The following CUX1 variants were observed in gnomAD, a reference collection of about 807,000 sequenced individuals.
CUX1 encodes cut like homeobox 1, also known as protein CASP.
A neutral mutation model predicts 158.8 loss-of-function variants in CUX1; 31 were observed. The observed-to-expected ratio is 0.20, with a 90% confidence interval of 0.15 to 0.26. The LOEUF (loss-of-function observed/expected upper bound fraction) is 0.26, where lower values mean the gene tolerates loss of function less well. CUX1 is among the 10% of genes least tolerant of loss of function. The probability of loss-of-function intolerance (pLI) is 1.00; values close to 1 mark genes in which losing one functional copy is unlikely to be tolerated. For missense variants in CUX1, 1,589 were observed against 2,014.6 expected (o/e 0.79, Z 4.04); for synonymous variants, 879 against 862.1 (o/e 1.02, Z -0.34).
chr7:101,864,353 C>T (rs1219000518), intron 1 of CUX1, among the ~76,000 whole-genome samples: 1 of 151,642 alleles, frequency 6.6e-6, no homozygotes, highest in Non-Finnish European at 1.5e-5. Flanking sequence ...GTAGAGATGG[C>T]GTCTTGCTGT....
chr7:102,135,106 G>C (rs1231559941), intron 8 of CUX1, among the ~76,000 whole-genome samples: 1 of 152,072 alleles, frequency 6.6e-6, no homozygotes, highest in Non-Finnish European at 1.5e-5. Context: ...GAACAACACA[G>C]GGGTTAGAGG....
intron 1 of CUX1, among the ~76,000 whole-genome samples, chr7:101,902,228 CCTG>C (rs1348093274): frequency 6.6e-6 from 1 of 152,214 alleles, no homozygotes; most frequent in African/African-American, 2.4e-5. Flanking sequence ...CCCTACCTCT[CCTG>C]CTATGATTTC....
chr7:102,093,527 G>C (rs1401333939), intron 4 of CUX1, among the ~76,000 whole-genome samples: 1 of 152,184 alleles, frequency 6.6e-6, no homozygotes, highest in African/African-American at 2.4e-5. Context: ...AAAGTCGTTT[G>C]CCTGGCGGGC....
At chr7:101,946,564 A>G (rs866031271) in intron 2 of CUX1, among the ~76,000 whole-genome samples, 8 of 148,814 alleles carry the variant, frequency 5.4e-5, no homozygotes, top group South Asian at 4.3e-4. Flanking sequence ...AAAAAAAAAA[A>G]AGAGAGAAGG....
At chr7:102,215,006 G>A (rs563185206) in intron 20 of CUX1, among the ~76,000 whole-genome samples, 70 of 152,228 alleles carry the variant, frequency 4.6e-4, no homozygotes, top group African/African-American at 1.7e-3. Flanking sequence ...ATTTGATAAG[G>A]AAACTTTTAT....
At chr7:102,230,649 T>C (rs1267885794) in intron 21 of CUX1, among the ~76,000 whole-genome samples, 1 of 152,104 alleles carries the variant, frequency 6.6e-6, no homozygotes, top group Admixed American at 6.6e-5. Context: ...AAAAGTCATA[T>C]CAATGAGACC....
intron 1 of CUX1, among the ~76,000 whole-genome samples, chr7:101,899,318 G>A (rs890407293): frequency 6.6e-6 from 1 of 152,194 alleles, no homozygotes; most frequent in Non-Finnish European, 1.5e-5. Flanking sequence ...GGAGGCCAAA[G>A]CAGGTGGATC....
chr7:102,182,113 T>C (rs1251048811), intron 11 of CUX1, among the ~76,000 whole-genome samples: 6 of 152,194 alleles, frequency 3.9e-5, no homozygotes, highest in Non-Finnish European at 5.9e-5. Flanking sequence ...CAGGTTGCTG[T>C]TTGGGAGAGG....
chr7:102,115,939 G>A (rs1294660722), intron 8 of CUX1, among the ~76,000 whole-genome samples: 1 of 152,172 alleles, frequency 6.6e-6, no homozygotes, highest in Non-Finnish European at 1.5e-5. Flanking sequence ...AACTCCCGGG[G>A]AGCAATGCCA....
chr7:101,926,474 G>T (rs1257958526), intron 2 of CUX1, among the ~76,000 whole-genome samples: 1 of 152,138 alleles, frequency 6.6e-6, no homozygotes. Context: ...ACCAGCAGGG[G>T]CCTGTAGGGA....
At chr7:101,925,667 C>T (rs1315657483) in intron 2 of CUX1, among the ~76,000 whole-genome samples, 1 of 152,106 alleles carries the variant, frequency 6.6e-6, no homozygotes, top group African/African-American at 2.4e-5. Flanking sequence ...TGCAGTAGCT[C>T]ACGCTTATAA....
intron 4 of CUX1, among the ~76,000 whole-genome samples, chr7:102,075,639 A>C (rs1250209081): frequency 1.3e-5 from 2 of 152,166 alleles, no homozygotes; most frequent in African/African-American, 4.8e-5. Context: ...TCAGGCTCCT[A>C]CTGTTCCCAC....
intron 4 of CUX1, among the ~76,000 whole-genome samples, chr7:102,096,947 T>C (rs1829262025): frequency 1.3e-5 from 2 of 152,236 alleles, no homozygotes; most frequent in South Asian, 4.1e-4. Context: ...TCATAATCAC[T>C]GGACCCTTAA....
chr7:102,104,687 C>T (rs917508880), intron 6 of CUX1, among the ~76,000 whole-genome samples: 7 of 151,886 alleles, frequency 4.6e-5, no homozygotes, highest in African/African-American at 1.5e-4. Context: ...GTCAGGAGTT[C>T]GAGACCAGCA....
rs150033596 is a variant in CUX1 at position 101,925,848 on chromosome 7, G to A, written c.141+9623G>A. On this transcript the variant is annotated intron_variant, in intron 2 of 23. Coordinates refer to ENST00000292535, the MANE Select transcript of CUX1 (RefSeq NM_181552.4). ...CTCAGAAGGCTGAGGTAGGAGGGTC[G>A]CTTGAGTCTAGCAGGAGATTGAGGC... 1.1e-4 allele frequency among the ~76,000 whole-genome samples: 17 copies of A among 152,154 alleles called. No homozygotes were observed. The East Asian group carries it at 2.7e-3, about 24-fold the overall frequency.
intron 8 of CUX1, among the ~76,000 whole-genome samples, chr7:102,142,769 A>C (rs1554500756): frequency 6.6e-6 from 1 of 151,536 alleles, no homozygotes; most frequent in Admixed American, 6.6e-5. Flanking sequence ...AAAAAATTTA[A>C]AAATTAGCCG....
intron 1 of CUX1, among the ~76,000 whole-genome samples, chr7:101,828,221 C>T (rs774923836): frequency 1.5e-4 from 23 of 152,050 alleles, no homozygotes; most frequent in Non-Finnish European, 3.1e-4. Context: ...CTGTCCGCTT[C>T]GGCCTCCCAA....
chr7:102,158,195 T>G (rs1417889077), intron 8 of CUX1, among the ~76,000 whole-genome samples: 1 of 152,090 alleles, frequency 6.6e-6, no homozygotes, highest in Non-Finnish European at 1.5e-5. Context: ...CTTCCTTGAT[T>G]CCCTCCCACA....
In CUX1 at chr7:102,010,755, G is replaced by A. The variant is rs182605907; in HGVS notation, c.142-17343G>A. 3.0e-3 allele frequency among the ~76,000 whole-genome samples: 457 copies of A among 152,348 alleles called. 1 individual carries two copies. The highest frequency in any genetic ancestry group is 9.5e-3 in the South Asian group (46 of 4,828). The stretch of plus-strand genomic sequence containing the variant: ...TTCTGCCGGCGGGCGTGAGGACCAC[G>A]CTAAAAGATGCCGGTTGTGCTTTGT... On this transcript the variant is annotated intron_variant, in intron 2 of 23. Coordinates refer to ENST00000292535, the MANE Select transcript of CUX1 (RefSeq NM_181552.4).
Sources: gnomAD v4.1 joint callset for allele counts (sites outside exome capture counted in the v4.1 genomes callset) on GRCh38, gnomAD v4.1.1 for gene constraint, MANE v1.5 for transcripts, NCBI Gene and HGNC (gene_info 2026-07-23, HGNC 2026-07-21) for gene names.